Variants in PPM1B observed in about 807,000 individuals in gnomAD.
The protein encoded by PPM1B is protein phosphatase 1B.
PPM1B carries 22 observed loss-of-function variants against 43.0 expected under a neutral mutation model. The ratio of observed to expected loss-of-function variants is 0.51; its 90% confidence interval spans 0.37 to 0.73. The LOEUF is 0.73. Among genes scored for constraint, PPM1B ranks in the 30% least tolerant of loss-of-function variants. The probability of loss-of-function intolerance (pLI) is 0.00; values close to 1 mark genes in which losing one functional copy is unlikely to be tolerated. For missense variants in PPM1B, 632 were observed against 584.2 expected, an observed-to-expected ratio of 1.08 and a Z score of -0.84; for synonymous variants, 217 against 197.9, an observed-to-expected ratio of 1.10 and a Z score of -0.81.
Position 44,192,796 on chromosome 2 carries a change from A to G in PPM1B, c.-14-8390A>G, listed in dbSNP as rs561149795. Among the ~76,000 whole-genome samples the G allele has an allele frequency of 2.6e-5, 4 of 152,324 alleles. No homozygotes were observed. In the East Asian group the frequency reaches 7.7e-4, roughly 29 times the overall value. ...TGAGTTTGATTGTTTTAGATGTCAC[A>G]TGCAAGTGAGAATATACAATATTTG... On this transcript the variant is annotated intron_variant, in intron 1 of 5. Transcript: ENST00000282412.
At chr2:44,182,997 G>T (rs764625094) in intron 1 of PPM1B, among the ~76,000 whole-genome samples, 1 of 152,162 alleles carries the variant, frequency 6.6e-6, no homozygotes, top group Non-Finnish European at 1.5e-5. Context: ...GTTGGGTCTT[G>T]CAGAATTCCC....
intron 1 of PPM1B, among the ~76,000 whole-genome samples, chr2:44,169,971 G>A (rs952046037): frequency 6.6e-6 from 1 of 152,140 alleles, no homozygotes; most frequent in Non-Finnish European, 1.5e-5. Context: ...GCCATATGTG[G>A]TAAATCAGTT....
intron 1 of PPM1B, among the ~76,000 whole-genome samples, chr2:44,180,510 C>T (rs566350405): frequency 6.6e-6 from 1 of 152,330 alleles, no homozygotes; most frequent in African/African-American, 2.4e-5. Context: ...AGAGGTTAAT[C>T]AGCATTCCAA....
intron 2 of PPM1B, among the ~76,000 whole-genome samples, chr2:44,205,476 T>G (rs1208832943): frequency 1.3e-5 from 2 of 152,020 alleles, no homozygotes; most frequent in African/African-American, 4.8e-5. Flanking sequence ...CAGAGATGTT[T>G]GAAGTAAAGT....
chr2:44,212,867 G>A (rs1381570988), intron 3 of PPM1B, among the ~76,000 whole-genome samples: 1 of 152,014 alleles, frequency 6.6e-6, no homozygotes, highest in African/African-American at 2.4e-5. Context: ...AAAGAAATTA[G>A]CTGGGCGTGG....
intron 1 of PPM1B, among the ~76,000 whole-genome samples, chr2:44,184,603 C>G (rs1321755988): frequency 1.3e-5 from 2 of 152,092 alleles, no homozygotes; most frequent in East Asian, 3.9e-4. Flanking sequence ...CCTGCAGTAT[C>G]TCCACTGGAC....
At chr2:44,182,213 T>TC (rs1358766389) in intron 1 of PPM1B, among the ~76,000 whole-genome samples, 2 of 152,126 alleles carry the variant, frequency 1.3e-5, no homozygotes, top group African/African-American at 4.8e-5. Context: ...TGGACGATAC[T>TC]CCAGACATAT....
At chr2:44,173,623 T>G (rs1420133714) in intron 1 of PPM1B, among the ~76,000 whole-genome samples, 2 of 152,224 alleles carry the variant, frequency 1.3e-5, no homozygotes, top group Non-Finnish European at 2.9e-5. Context: ...TTGTTATTGC[T>G]TGGCATAACA....
At chr2:44,179,433 T>C (rs1488636352) in intron 1 of PPM1B, among the ~76,000 whole-genome samples, 1 of 152,228 alleles carries the variant, frequency 6.6e-6, no homozygotes, top group Non-Finnish European at 1.5e-5. Flanking sequence ...GTGGCTACTA[T>C]ACCAAACAGC....
At chr2:44,203,423 C>T (rs890566633) in intron 2 of PPM1B, among the ~76,000 whole-genome samples, 3 of 151,858 alleles carry the variant, frequency 2.0e-5, no homozygotes, top group African/African-American at 7.3e-5. Context: ...CAAGCATAGG[C>T]ATATGTTTGT....
chr2:44,185,102 G>T (rs1668058849), intron 1 of PPM1B, among the ~76,000 whole-genome samples: 1 of 151,566 alleles, frequency 6.6e-6, no homozygotes, highest in Admixed American at 6.6e-5. Context: ...ATGCTTACCT[G>T]GCTTCTAAAC....
At chr2:44,219,554 A>G (rs1011650945) in intron 5 of PPM1B, among the ~76,000 whole-genome samples, 10 of 152,210 alleles carry the variant, frequency 6.6e-5, no homozygotes, top group Non-Finnish European at 8.8e-5. Flanking sequence ...TGAGTCATAT[A>G]AAAGTGATGC....
intron 5 of PPM1B, among the ~76,000 whole-genome samples, chr2:44,226,930 C>CTTTT (rs1028286962): frequency 7.4e-5 from 7 of 94,192 alleles, no homozygotes; most frequent in Non-Finnish European, 1.1e-4. Context: ...AAATGGGAAA[C>CTTTT]TTTTTATTTA....
intron 1 of PPM1B, among the ~76,000 whole-genome samples, chr2:44,170,851 A>G (rs1667303516): frequency 6.6e-6 from 1 of 152,228 alleles, no homozygotes; most frequent in Admixed American, 6.5e-5. Flanking sequence ...GTTCTAATCG[A>G]AATTTTAAAA....
downstream of PPM1B, chr2:44,233,738 T>A: frequency 1.0e-6 from 1 of 985,880 alleles, no homozygotes; most frequent in South Asian, 4.7e-5. Flanking sequence ...TACAGACAGC[T>A]TTCCTGATCA....
At chr2:44,227,064 C>T (rs980492186) in intron 5 of PPM1B, among the ~76,000 whole-genome samples, 7 of 151,884 alleles carry the variant, frequency 4.6e-5, no homozygotes, top group Admixed American at 6.6e-5. Flanking sequence ...ATCTCAACCT[C>T]CTGGGCTCAA....
chr2:44,242,750 C>G (rs1046689816), intron 5 of PPM1B, among the ~76,000 whole-genome samples: 1 of 150,936 alleles, frequency 6.6e-6, no homozygotes, highest in Non-Finnish European at 1.5e-5. Context: ...TAAGCCTGCT[C>G]ACACATGTTA....
At chr2:44,214,096 T>C (rs1172459424) in intron 3 of PPM1B, among the ~76,000 whole-genome samples, 1 of 152,200 alleles carries the variant, frequency 6.6e-6, no homozygotes, top group Admixed American at 6.5e-5. Context: ...TTTTTGTTTT[T>C]TGAGACAGAG....
At chr2:44,173,595 A>G (rs1377937933) in intron 1 of PPM1B, among the ~76,000 whole-genome samples, 1 of 152,212 alleles carries the variant, frequency 6.6e-6, no homozygotes, top group Non-Finnish European at 1.5e-5. Flanking sequence ...TACTATAACT[A>G]ATCACATCTA....
Sources: gnomAD v4.1 joint callset for allele counts (sites outside exome capture counted in the v4.1 genomes callset) on GRCh38, gnomAD v4.1.1 for gene constraint, MANE v1.5 for transcripts, NCBI Gene and HGNC (gene_info 2026-07-23, HGNC 2026-07-21) for gene names.